The following RFX1 variants were observed in gnomAD, a reference collection of about 807,000 sequenced individuals.
RFX1 encodes the protein regulatory factor X1.
A neutral mutation model predicts 119.6 loss-of-function variants in RFX1; 42 were observed. The ratio of observed to expected loss-of-function variants is 0.35; its 90% CI spans 0.27 to 0.45. The LOEUF (loss-of-function observed/expected upper bound fraction) is 0.45. RFX1 is among the 20% of genes least tolerant of loss of function. The pLI is 1.00. For synonymous variants in RFX1, 628 were observed against 618.5 expected, an observed-to-expected ratio of 1.02 and a Z score of -0.23; for missense variants, 1,118 against 1,368.1, an observed-to-expected ratio of 0.82 and a Z score of 2.88.
chr19:13,979,402 G>A (rs1365853673), intron 7 of RFX1, 45 bp downstream of exon 7: 2 of 1,404,916 alleles, frequency 1.4e-6, no homozygotes, highest in Non-Finnish European at 1.9e-6. Flanking sequence ...GCCCCAGCCC[G>A]GGACCAGCCC....
chr19:13,987,541 A>G (rs2145605386), intron 2 of RFX1, among the ~76,000 whole-genome samples: 1 of 150,890 alleles, frequency 6.6e-6, no homozygotes, highest in Admixed American at 6.6e-5. Flanking sequence ...GGTGTCAGTT[A>G]CTCCTGCTTC....
At chr19:14,000,465 CACACATACACAT>C (rs377028977) in intron 1 of RFX1, among the ~76,000 whole-genome samples, 1 of 151,898 alleles carries the variant, frequency 6.6e-6, no homozygotes, top group African/African-American at 2.4e-5. Context: ...CATACAAACA[CACACATACACAT>C]ACACATACAC....
chr19:13,993,617 G>T lies in RFX1; in HGVS notation c.227C>A (p.Thr76Lys). The stretch of plus-strand genomic sequence containing the variant: ...GGGTGCGGGTACAGCCGGGAGCTCC[G>T]TCACGTACTGCTTCTGGCCACCCGG... Reference protein sequence around the residue: ...QPPGGQKQYVTELPAVPAPSQ... With the variant: ...QPPGGQKQYVKELPAVPAPSQ... Residue 76 changes from threonine (T) to lysine (K), a missense_variant, in exon 2 of 21, where the codon ACG (threonine) becomes AAG (lysine). Thr to Lys is a moderately conservative substitution (Grantham distance 78). Coordinates refer to ENST00000254325, the MANE Select transcript of RFX1 (RefSeq NM_002918.5). 6.2e-7 allele frequency: 1 copy of T among 1,610,198 alleles called. No homozygotes were observed. The highest frequency in any genetic ancestry group is 8.5e-7 in the Non-Finnish European group (1 of 1,178,068).
At chr19:14,003,121 TAC>T (rs879875661) in intron 1 of RFX1, among the ~76,000 whole-genome samples, 67 of 152,328 alleles carry the variant, frequency 4.4e-4, no homozygotes, top group Non-Finnish European at 9.3e-4. Context: ...TAGCTGGGAC[TAC>T]TACAGTCATG....
chr19:13,994,792 CAT>C (rs1974936124), intron 1 of RFX1, among the ~76,000 whole-genome samples: 2 of 130,662 alleles, frequency 1.5e-5, no homozygotes, highest in South Asian at 2.5e-4. Flanking sequence ...TCTACATGTA[CAT>C]ATATATACAT....
rs1973879553 is a variant in RFX1 at position 13,965,859 on chromosome 19, G to C, written c.1962-82C>G. On this transcript the variant is annotated intron_variant, in intron 14 of 20. Transcript: ENST00000254325. This position sits in a 1 kb window ranked among gnomAD's most constrained non-coding sequence, Gnocchi z 4.7. ...CGTCAGAAGGGAACAGGTAGCCCCT[G>C]TCCCTGACCCAGGGTCACTGGGGTA... 3 of 1,511,530 alleles carry C rather than the reference G, an allele frequency of 2.0e-6. No homozygotes were observed. The African/African-American group carries it at 4.1e-5, about 21-fold the overall frequency. The allele number at this position is 1,511,530 out of a possible 1,614,324, so 93.6% of individuals were successfully genotyped here. A position where few individuals can be genotyped will look rare whatever the true frequency, so the allele number is the denominator to read the frequency against.
rs540785755 is a variant in RFX1, at chr19:13,985,365, C to A, written c.320-1770G>T. 6.6e-6 allele frequency among the ~76,000 whole-genome samples: 1 copy of A among 152,046 alleles called. No homozygotes were observed. Among genetic ancestry groups the A allele is most frequent in the East Asian group, 1.9e-4 (1 of 5,186 alleles). On this transcript the variant is annotated intron_variant, in intron 2 of 20. Transcript: ENST00000254325. This position sits in a 1 kb window ranked among gnomAD's most constrained non-coding sequence, Gnocchi z 4.3. Reference sequence around the variant, plus strand: ...CTAATTTTTGTGGTTTTAGTAGAGACGGGGTTTTGCCATGTTGGCCAGGCT... The same window carrying A: ...CTAATTTTTGTGGTTTTAGTAGAGAAGGGGTTTTGCCATGTTGGCCAGGCT...
At position 13,993,895 on chromosome 19, in the gene RFX1, C is replaced by G; in HGVS notation, c.-52G>C. On this transcript the variant is annotated splice_region_variant and 5_prime_UTR_variant, in exon 2 of 21. Coordinates refer to ENST00000254325, the MANE Select transcript of RFX1 (RefSeq NM_002918.5). ...ATAAGGCTTTTTTTTTTTTTTAATT[C>G]CTTGGGAAGAAAGACGGGGATGGGG... The G allele has an allele frequency of 2.2e-6, 3 of 1,355,382 alleles. No individual in the cohort carries two copies. Among genetic ancestry groups the G allele is most frequent in the South Asian group, 2.9e-5 (2 of 68,936 alleles). The allele number at this position is 1,355,382 out of a possible 1,614,324, so 84.0% of individuals were successfully genotyped here.
intron 4 of RFX1, among the ~76,000 whole-genome samples, chr19:13,982,862 C>A (rs1266956200): frequency 1.3e-5 from 2 of 152,222 alleles, no homozygotes; most frequent in Non-Finnish European, 2.9e-5. Context: ...GACAGACCAC[C>A]CTGTGCTGGC....
chr19:13,979,674 G>A, intron 6 of RFX1, 132 bp from the exon 7 acceptor site: 1 of 507,756 alleles, frequency 2.0e-6, no homozygotes, highest in Non-Finnish European at 3.4e-6. Flanking sequence ...CTCCAGCCAA[G>A]CAAGGAGGGT....
chr19:13,971,837 G>A (rs534922096), intron 9 of RFX1, among the ~76,000 whole-genome samples: 21 of 152,122 alleles, frequency 1.4e-4, no homozygotes, highest in South Asian at 2.1e-4. Context: ...GTGAAACCCC[G>A]TCTCTACTAA....
intron 2 of RFX1, among the ~76,000 whole-genome samples, chr19:13,991,069 G>A (rs1430040271): frequency 6.6e-6 from 1 of 152,206 alleles, no homozygotes. Context: ...ATTAAGTGAT[G>A]CAGAAGGAAC....
At chr19:14,001,174 G>A (rs184640220) in intron 1 of RFX1, among the ~76,000 whole-genome samples, 22 of 152,210 alleles carry the variant, frequency 1.4e-4, no homozygotes, top group African/African-American at 4.8e-4. Context: ...CCACCTTCAC[G>A]GCTGGCTTCT....
rs138353570 is a variant in RFX1 at position 13,966,865 on chromosome 19, C to T, written c.1733-114G>A. The T allele has an allele frequency of 1.4e-6, 1 of 697,212 alleles. No individual in the cohort carries two copies. 43.2% of individuals were successfully genotyped at this position (697,212 alleles called of 1,614,324 possible). A position where few individuals can be genotyped will look rare whatever the true frequency, so the allele number is the denominator to read the frequency against. On this transcript the variant is annotated intron_variant, in intron 12 of 20. Coordinates refer to ENST00000254325, the MANE Select transcript of RFX1 (RefSeq NM_002918.5). This position sits in a 1 kb window ranked among gnomAD's most constrained non-coding sequence, Gnocchi z 6.3. Reference sequence around the variant, plus strand: ...TGGGGTCCCCCATGTGCCGGTGAGACAACGCTAGGTGGGGTGAGCGCCTGG... The same window carrying T: ...TGGGGTCCCCCATGTGCCGGTGAGATAACGCTAGGTGGGGTGAGCGCCTGG...
At position 13,985,292 on chromosome 19, in the gene RFX1, T is replaced by C. The variant is rs367995411; in HGVS notation, c.320-1697A>G. ...TCCCGGTTCAAGTGATTCTCCTGCC[T>C]CAACCCACTGAGTAGCTAGGACTGC... On this transcript the variant is annotated intron_variant, in intron 2 of 20. Coordinates refer to ENST00000254325, the MANE Select transcript of RFX1 (RefSeq NM_002918.5). The surrounding 1 kb of genome is among the most constrained non-coding windows in gnomAD (Gnocchi z 4.3). Among the ~76,000 whole-genome samples, 28 of 152,050 alleles carry C rather than the reference T, an allele frequency of 1.8e-4. 1 individual carries two copies. The highest frequency in any genetic ancestry group is 1.2e-3 in the East Asian group (6 of 5,196).
intron 1 of RFX1, among the ~76,000 whole-genome samples, chr19:13,995,671 C>A (rs914076622): frequency 1.3e-5 from 2 of 151,940 alleles, no homozygotes; most frequent in Non-Finnish European, 2.9e-5. Context: ...GTCAACATGG[C>A]GAAACCCAGT....
At chr19:13,962,914 G>C in intron 20 of RFX1, 50 bp from the exon 21 acceptor site, 1 of 1,542,694 alleles carries the variant, frequency 6.5e-7, no homozygotes, top group Non-Finnish European at 8.8e-7. Flanking sequence ...CAACGCCCCC[G>C]GGCTCCTCCT....
At position 13,980,755 on chromosome 19, in the gene RFX1, C is replaced by T; in HGVS notation, c.622-66G>A. ...TTGCATCCTCTCTGAGGTGGGCTCA[C>T]ACACACACCCTTCTCAGGAGAGCTG... is the stretch of plus-strand genomic sequence containing the variant. On this transcript the variant is annotated intron_variant, in intron 5 of 20. Coordinates refer to ENST00000254325, the MANE Select transcript of RFX1 (RefSeq NM_002918.5). This position sits in a 1 kb window ranked among gnomAD's most constrained non-coding sequence, Gnocchi z 5.1. 2.2e-6 allele frequency: 2 copies of T among 917,138 alleles called. No homozygotes were observed. Among genetic ancestry groups the T allele is most frequent in the Non-Finnish European group, 3.3e-6 (2 of 607,198 alleles). 56.8% of individuals were successfully genotyped at this position (917,138 alleles called of 1,614,324 possible). A position where few individuals can be genotyped will look rare whatever the true frequency, so the allele number is the denominator to read the frequency against.
chr19:13,975,084 G>A lies in RFX1; in HGVS notation c.930-1957C>T, dbSNP rs1397203830. ...AAGGGAGGGGGGCAGGGGCAGGCAC[G>A]GTGGCTCACACCTGTAACCCCAGCA... is the stretch of plus-strand genomic sequence containing the variant. On this transcript the variant is annotated intron_variant, in intron 8 of 20. Coordinates refer to ENST00000254325, the MANE Select transcript of RFX1 (RefSeq NM_002918.5). 3.4e-5 allele frequency among the ~76,000 whole-genome samples: 5 copies of A among 149,116 alleles called. No homozygotes were observed. The South Asian group carries it at 6.4e-4, about 19-fold the overall frequency.
Sources: gnomAD v4.1 joint callset for allele counts (sites outside exome capture counted in the v4.1 genomes callset) on GRCh38, gnomAD v4.1.1 for gene constraint, Gnocchi (gnomAD v3.1) non-coding constraint, MANE v1.5 for transcripts, NCBI Gene and HGNC (gene_info 2026-07-23, HGNC 2026-07-21) for gene names.